The following SNX31 variants were observed in gnomAD, a reference collection of about 807,000 sequenced individuals.
SNX31 encodes the protein sorting nexin-31.
In SNX31, 58 loss-of-function variants were observed where a neutral mutation model predicts 65.4. The ratio of observed to expected loss-of-function variants is 0.89; its 90% CI spans 0.72 to 1.10. SNX31 has a LOEUF of 1.10. Among genes scored for constraint, SNX31 ranks in the 50% least tolerant of loss-of-function variants. SNX31 has a pLI of 0.00. For missense variants in SNX31, 523 were observed against 529.7 expected (o/e 0.99, Z 0.12); for synonymous variants, 181 against 190.1 (o/e 0.95, Z 0.39).
Position 100,594,480 on chromosome 8 carries a change from G to A in SNX31, c.978+2159C>T, listed in dbSNP as rs1814880171. Among the ~76,000 whole-genome samples, 1 of 152,092 alleles carries A rather than the reference G, an allele frequency of 6.6e-6. No individual in the cohort carries two copies. The highest frequency in any genetic ancestry group is 1.5e-5 in the Non-Finnish European group (1 of 68,026). ...GCCAAACAATCCAATTCAAAAATGG[G>A]TAAAAGATATGAGAAGACATTTTAC... On this transcript the variant is annotated intron_variant, in intron 10 of 13. Transcript: ENST00000311812. This position sits in a 1 kb window ranked among gnomAD's most constrained non-coding sequence, Gnocchi z 4.0.
Position 100,612,476 on chromosome 8 carries a change from C to A in SNX31, c.524-389G>T, listed in dbSNP as rs1586946861. Among the ~76,000 whole-genome samples the A allele has an allele frequency of 8.1e-6, 1 of 122,820 alleles. No homozygotes were observed. Among genetic ancestry groups the A allele is most frequent in the Non-Finnish European group, 1.7e-5 (1 of 58,554 alleles). The allele number at this position is 122,820 out of a possible 152,430, so 80.6% of individuals were successfully genotyped here. On this transcript the variant is annotated intron_variant, in intron 6 of 13. Coordinates refer to ENST00000311812, the MANE Select transcript of SNX31 (RefSeq NM_152628.4). The surrounding 1 kb of genome is among the most constrained non-coding windows in gnomAD (Gnocchi z 4.3). ...ATAAACTACTTTAATATAACTGATA[C>A]CATTTTACAAAAAAAAAAAACTTGT...
chr8:100,573,786 G>C lies in SNX31; in HGVS notation c.*79C>G, dbSNP rs1812804266. On this transcript the variant is annotated 3_prime_UTR_variant, in exon 14 of 14. Transcript: ENST00000311812. ...GGTCAAATTTCCTCCACTGATGGTA[G>C]GTAGCCCACCTGAATCCCCAAGTTC... 2 of 956,938 alleles carry C rather than the reference G, an allele frequency of 2.1e-6. No homozygotes were observed. The highest frequency in any genetic ancestry group is 5.3e-5 in the Admixed American group (2 of 37,532). 59.3% of individuals were successfully genotyped at this position (956,938 alleles called of 1,614,324 possible).
chr8:100,648,325 T>TTA lies in SNX31; in HGVS notation c.141+948_141+949insTA, dbSNP rs1474471685. Among the ~76,000 whole-genome samples, 17 of 149,048 alleles carry TTA rather than the reference T, an allele frequency of 1.1e-4. 1 individual carries two copies. Among genetic ancestry groups the TTA allele is most frequent in the African/African-American group, 4.2e-4 (17 of 40,278 alleles). On this transcript the variant is annotated intron_variant, in intron 2 of 13. Transcript: ENST00000311812. The surrounding 1 kb of genome is among the most constrained non-coding windows in gnomAD (Gnocchi z 4.3). Reference sequence around the variant, plus strand: ...AGTTTTTTCAGTTTTCTCTACACTTTTTTTTTTTTTTTTTTTAATAGAGAC... The same window carrying TTA: ...AGTTTTTTCAGTTTTCTCTACACTTTTATTTTTTTTTTTTTTTTAATAGAGAC...
In SNX31 at chr8:100,587,151, G is replaced by A. The variant is rs551735594; in HGVS notation, c.1092+1715C>T. 9.9e-5 allele frequency among the ~76,000 whole-genome samples: 15 copies of A among 152,274 alleles called. No homozygotes were observed. The East Asian group carries it at 2.9e-3, about 29-fold the overall frequency. On this transcript the variant is annotated intron_variant, in intron 11 of 13. Coordinates refer to ENST00000311812, the MANE Select transcript of SNX31 (RefSeq NM_152628.4). ...CCAATCATAAATCCTGTTTCTCTTT[G>A]CTAGATGCTTGGTTCCCAGACTCCC...
chr8:100,580,246 A>G (rs1165647701), intron 12 of SNX31, among the ~76,000 whole-genome samples: 1 of 152,110 alleles, frequency 6.6e-6, no homozygotes, highest in Non-Finnish European at 1.5e-5. Context: ...TCCAGATTAC[A>G]GTTCAATATG....
At chr8:100,628,670 A>G (rs1362950629) in intron 4 of SNX31, among the ~76,000 whole-genome samples, 1 of 152,142 alleles carries the variant, frequency 6.6e-6, no homozygotes, top group African/African-American at 2.4e-5. Flanking sequence ...CAGCACACCA[A>G]CATGGCACAT....
chr8:100,574,489 T>C (rs1328489901), intron 13 of SNX31, among the ~76,000 whole-genome samples: 1 of 151,758 alleles, frequency 6.6e-6, no homozygotes, highest in Non-Finnish European at 1.5e-5. Context: ...AAAAATTAGC[T>C]AGGCATGGTG....
upstream of SNX31, among the ~76,000 whole-genome samples, chr8:100,650,235 A>G (rs756661930): frequency 6.6e-6 from 1 of 152,210 alleles, no homozygotes; most frequent in Non-Finnish European, 1.5e-5. Context: ...TCTCTATTTT[A>G]GTTAAATGAA....
Position 100,576,107 on chromosome 8 carries a change from C to T in SNX31, c.1227+912G>A, listed in dbSNP as rs575668620. ...TGGAGTTCCTATCTCGTCTCTCTGT[C>T]CAACCAGCCAGAAGTGCTGTGATTA... On this transcript the variant is annotated intron_variant, in intron 13 of 13. Transcript: ENST00000311812. This position sits in a 1 kb window ranked among gnomAD's most constrained non-coding sequence, Gnocchi z 4.8. Among the ~76,000 whole-genome samples the T allele has an allele frequency of 2.4e-4, 36 of 152,284 alleles. No individual in the cohort carries two copies. The South Asian group carries it at 7.3e-3, about 31-fold the overall frequency.
At position 100,617,724 on chromosome 8, in the gene SNX31, A is replaced by T. The variant is rs200631078; in HGVS notation, c.328T>A (p.Phe110Ile). 7 of 1,609,332 alleles carry T rather than the reference A, an allele frequency of 4.3e-6. No individual in the cohort carries two copies. The highest frequency in any genetic ancestry group is 1.7e-5 in the Admixed American group (1 of 59,080). The stretch of plus-strand genomic sequence containing the variant: ...TAAGCTTTCTTGGTGGCGATGTCAA[A>T]TGTATTCTATAAGCAAAAGAAAAGC... ...EFLKLAQLNT[F>I]DIATKKAYLD... Residue 110 changes from phenylalanine to isoleucine, a missense_variant, in exon 5 of 14, where the codon TTT becomes ATT. Physicochemically the swap from Phe to Ile is conservative, Grantham distance 21. Transcript: ENST00000311812.
chr8:100,614,123 C>T lies in SNX31; in HGVS notation c.433-1038G>A, dbSNP rs941744611. On this transcript the variant is annotated intron_variant, in intron 5 of 13. Transcript: ENST00000311812. This position sits in a 1 kb window ranked among gnomAD's most constrained non-coding sequence, Gnocchi z 5.1. ...TCAGCATAGCTTTGAAAATAAAGAG[C>T]AGCTGAGGAATAGTTTCACCACTTT... is the stretch of plus-strand genomic sequence containing the variant. Among the ~76,000 whole-genome samples, 2 of 152,224 alleles carry T rather than the reference C, an allele frequency of 1.3e-5. No homozygotes were observed. The highest frequency in any genetic ancestry group is 2.9e-5 in the Non-Finnish European group (2 of 68,042).
chr8:100,574,248 G>T (rs1191673233), intron 13 of SNX31, among the ~76,000 whole-genome samples: 1 of 152,104 alleles, frequency 6.6e-6, no homozygotes, highest in Non-Finnish European at 1.5e-5. Flanking sequence ...TACCTGTCTT[G>T]CCTCTTTCCC....
chr8:100,600,989 A>G (rs1180764670), intron 8 of SNX31, among the ~76,000 whole-genome samples: 2 of 152,212 alleles, frequency 1.3e-5, no homozygotes, highest in African/African-American at 4.8e-5. Context: ...CAAAAGGAAA[A>G]TGGGCAACAG....
At chr8:100,598,378 C>T (rs1815304202) in intron 9 of SNX31, among the ~76,000 whole-genome samples, 2 of 152,224 alleles carry the variant, frequency 1.3e-5, no homozygotes, top group South Asian at 4.1e-4. Context: ...TTTGCTACAA[C>T]ACTTTCTAAG....
rs917607926 is a variant in SNX31, at chr8:100,610,951, G to T, written c.611+1049C>A. The stretch of plus-strand genomic sequence containing the variant: ...CGAGCCTAAGGAGCAATCCCCTGCA[G>T]CCACGGTAATAAACACTGGGAGCTG... On this transcript the variant is annotated intron_variant, in intron 7 of 13. Coordinates refer to ENST00000311812, the MANE Select transcript of SNX31 (RefSeq NM_152628.4). This position sits in a 1 kb window ranked among gnomAD's most constrained non-coding sequence, Gnocchi z 4.0. Among the ~76,000 whole-genome samples the T allele has an allele frequency of 2.0e-5, 3 of 152,224 alleles. No individual in the cohort carries two copies. Among genetic ancestry groups the T allele is most frequent in the African/African-American group, 7.2e-5 (3 of 41,458 alleles).
At chr8:100,600,763 G>GA (rs1815550329) in intron 8 of SNX31, among the ~76,000 whole-genome samples, 1 of 152,072 alleles carries the variant, frequency 6.6e-6, no homozygotes, top group African/African-American at 2.4e-5. Flanking sequence ...ATTTTTATCT[G>GA]ATCTTGAGGT....
rs59667189 is a variant in SNX31 at position 100,629,581 on chromosome 8, A to G, written c.321+746T>C. The stretch of plus-strand genomic sequence containing the variant: ...AAATGAATGAATGAAATGTGTTCTC[A>G]TTTTTGCAAATCTGATCATTCCTCC... On this transcript the variant is annotated intron_variant, in intron 4 of 13. Coordinates refer to ENST00000311812, the MANE Select transcript of SNX31 (RefSeq NM_152628.4). This position sits in a 1 kb window ranked among gnomAD's most constrained non-coding sequence, Gnocchi z 5.1. Among the ~76,000 whole-genome samples, 26,973 of 152,122 alleles carry G rather than the reference A, an allele frequency of 0.18. 2,847 individuals are homozygous for G. The highest frequency in any genetic ancestry group is 0.29 in the African/African-American group (11,815 of 41,448).
At chr8:100,603,587 C>T (rs955903280) in intron 8 of SNX31, among the ~76,000 whole-genome samples, 3 of 151,956 alleles carry the variant, frequency 2.0e-5, no homozygotes, top group African/African-American at 7.3e-5. Flanking sequence ...AGGCATGCGT[C>T]ACCATGCCCG....
chr8:100,595,262 C>T (rs989812936), intron 10 of SNX31, among the ~76,000 whole-genome samples: 3 of 151,148 alleles, frequency 2.0e-5, no homozygotes, highest in East Asian at 3.9e-4. Context: ...AATCCATCCA[C>T]ACAGGGCATG....
Sources: allele counts gnomAD v4.1 joint callset (sites outside exome capture counted in the v4.1 genomes callset), GRCh38; gene constraint gnomAD v4.1.1; non-coding constraint Gnocchi (gnomAD v3.1); transcripts MANE v1.5; gene names NCBI Gene and HGNC (gene_info 2026-07-23, HGNC 2026-07-21).